The following VWC2 variants were observed in gnomAD, a reference collection of about 807,000 sequenced individuals.
The protein encoded by VWC2 is brorin.
VWC2 carries 14 observed loss-of-function variants against 29.8 expected under a neutral mutation model. That is an observed-to-expected ratio of 0.47 (90% CI 0.31 to 0.74). VWC2 has a LOEUF of 0.74. Among genes scored for constraint, VWC2 ranks in the 30% least tolerant of loss-of-function variants. The pLI, the probability that VWC2 is intolerant of heterozygous loss-of-function variation, is 0.05. For missense variants in VWC2, 457 were observed against 459.8 expected, an observed-to-expected ratio of 0.99 and a Z score of 0.05; for synonymous variants, 213 against 199.0, an observed-to-expected ratio of 1.07 and a Z score of -0.59.
downstream of VWC2, chr7:49,922,018 A>C (rs1470456146): frequency 1.3e-5 from 2 of 152,218 alleles, no homozygotes; most frequent in Non-Finnish European, 2.9e-5. Flanking sequence ...TTGAAAGTAG[A>C]TTAAGCAAGA....
chr7:49,860,849 G>T (rs1790621867), intron 3 of VWC2, among the ~76,000 whole-genome samples: 1 of 152,220 alleles, frequency 6.6e-6, no homozygotes, highest in Non-Finnish European at 1.5e-5. Flanking sequence ...AAAAGGCCAT[G>T]TGAGGCCACA....
Position 49,775,663 on chromosome 7 carries a change from G to A in VWC2, c.228G>A (p.Trp76Ter). The A allele has an allele frequency of 6.5e-7, 1 of 1,527,346 alleles. No individual in the cohort carries two copies. Among genetic ancestry groups the A allele is most frequent in the Non-Finnish European group, 8.8e-7 (1 of 1,140,278 alleles). The allele number at this position is 1,527,346 out of a possible 1,614,324, so 94.6% of individuals were successfully genotyped here. ...ARDEGGSGRDWKSKSGRGLAG... is the reference protein window; with the variant it reads ...ARDEGGSGRD ...ACGAGGGCGGCAGCGGCCGGGACTG[G>A]AAGAGCAAGAGCGGCCGTGGGCTCG... Residue 76 changes from tryptophan to a stop codon, truncating the protein, a stop_gained, in exon 2 of 4, where the codon TGG becomes TGA. Coordinates refer to ENST00000340652, the MANE Select transcript of VWC2 (RefSeq NM_198570.5). LOFTEE classifies it high-confidence loss of function.
chr7:49,908,729 T>C (rs1233899657), intron 3 of VWC2, among the ~76,000 whole-genome samples: 1 of 152,136 alleles, frequency 6.6e-6, no homozygotes, highest in East Asian at 1.9e-4. Context: ...CAGCTGAAGA[T>C]ATCTTCTTAG....
chr7:49,812,974 A>G (rs1789047247), intron 3 of VWC2, among the ~76,000 whole-genome samples: 2 of 152,222 alleles, frequency 1.3e-5, no homozygotes, highest in South Asian at 4.1e-4. Context: ...AAAAATAGGC[A>G]AAGAAACACA....
intron 3 of VWC2, among the ~76,000 whole-genome samples, chr7:49,898,371 T>C (rs1792508060): frequency 6.6e-6 from 1 of 152,116 alleles, no homozygotes; most frequent in South Asian, 2.1e-4. Context: ...TCTTTCTTTA[T>C]TTAGATATGG....
At position 49,818,335 on chromosome 7, in the gene VWC2, A is replaced by G. The variant is rs144127125; in HGVS notation, c.826+15495A>G. ...ACACTAATGCATAAATGTCTCAGAC[A>G]TCGTTACTCAGTGATCCATTTTGGG... On this transcript the variant is annotated intron_variant, in intron 3 of 3. Coordinates refer to ENST00000340652, the MANE Select transcript of VWC2 (RefSeq NM_198570.5). Among the ~76,000 whole-genome samples, 567 of 152,356 alleles carry G rather than the reference A, an allele frequency of 3.7e-3. 2 individuals are homozygous for G. Among genetic ancestry groups the G allele is most frequent in the African/African-American group, 0.013 (551 of 41,590 alleles).
At chr7:49,803,409 G>A (rs1788791560) in intron 3 of VWC2, among the ~76,000 whole-genome samples, 1 of 152,192 alleles carries the variant, frequency 6.6e-6, no homozygotes, top group Non-Finnish European at 1.5e-5. Flanking sequence ...TGTACCTGAG[G>A]TACTGAGGGC....
chr7:49,835,148 G>T (rs992610209), intron 3 of VWC2, among the ~76,000 whole-genome samples: 2 of 152,160 alleles, frequency 1.3e-5, no homozygotes, highest in African/African-American at 2.4e-5. Flanking sequence ...TCAGTGATTG[G>T]CTATTCATTG....
In VWC2 at chr7:49,912,257, G is replaced by T; in HGVS notation, c.*72G>T. ...GATGTGAACATTCTAGATGACTCTGGGAACTATCAGTCAAAGAAGACTTTT... is the reference window on the plus strand; with the variant it reads ...GATGTGAACATTCTAGATGACTCTGTGAACTATCAGTCAAAGAAGACTTTT... On this transcript the variant is annotated 3_prime_UTR_variant, in exon 4 of 4. Coordinates refer to ENST00000340652, the MANE Select transcript of VWC2 (RefSeq NM_198570.5). 6.8e-7 allele frequency: 1 copy of T among 1,478,454 alleles called. No homozygotes were observed. Among genetic ancestry groups the T allele is most frequent in the Admixed American group, 2.0e-5 (1 of 50,824 alleles). The allele number at this position is 1,478,454 out of a possible 1,614,324, so 91.6% of individuals were successfully genotyped here.
intron 2 of VWC2, among the ~76,000 whole-genome samples, chr7:49,777,882 C>T (rs1788085420): frequency 6.6e-6 from 1 of 152,084 alleles, no homozygotes; most frequent in Admixed American, 6.6e-5. Context: ...TAGAACAATT[C>T]TCTTAAGTTT....
chr7:49,807,428 C>T (rs1788904303), intron 3 of VWC2, among the ~76,000 whole-genome samples: 1 of 152,152 alleles, frequency 6.6e-6, no homozygotes, highest in African/African-American at 2.4e-5. Context: ...GGTTTGGTCC[C>T]AAAGAAAGAC....
In VWC2 at chr7:49,840,637, G is replaced by A. The variant is rs377447396; in HGVS notation, c.826+37797G>A. The stretch of plus-strand genomic sequence containing the variant: ...CTATTTTGTGAGCATAAGGAGTATT[G>A]GTTTGATTATTTTTTCTTCCCATAT... On this transcript the variant is annotated intron_variant, in intron 3 of 3. Coordinates refer to ENST00000340652, the MANE Select transcript of VWC2 (RefSeq NM_198570.5). Among the ~76,000 whole-genome samples, 11 of 152,202 alleles carry A rather than the reference G, an allele frequency of 7.2e-5. No homozygotes were observed. In the East Asian group the frequency reaches 2.1e-3, roughly 29 times the overall value.
intron 3 of VWC2, among the ~76,000 whole-genome samples, chr7:49,882,718 A>G (rs1791721743): frequency 6.6e-6 from 1 of 152,182 alleles, no homozygotes; most frequent in African/African-American, 2.4e-5. Context: ...ATCAATGTGT[A>G]ACCTTCCTAA....
intron 3 of VWC2, among the ~76,000 whole-genome samples, chr7:49,903,033 A>G (rs1792859885): frequency 6.6e-6 from 1 of 152,226 alleles, no homozygotes; most frequent in Admixed American, 6.5e-5. Context: ...ATCACCCGCC[A>G]CTAGGGAAAT....
At position 49,775,679 on chromosome 7, in the gene VWC2, C is replaced by A; in HGVS notation, c.244C>A (p.Arg82Ser). The change falls in exon 2 of 4, where the codon CGT becomes AGT. Residue 82 changes from arginine to serine, a missense_variant. Physicochemically the swap from Arg to Ser is moderately radical, Grantham distance 110. Coordinates refer to ENST00000340652, the MANE Select transcript of VWC2 (RefSeq NM_198570.5). ...SGRDWKSKSG[R>S]GLAGREPWSK... ...CCGGGACTGGAAGAGCAAGAGCGGCCGTGGGCTCGCCGGCCGTGAGCCGTG... is the reference window on the plus strand; with the variant it reads ...CCGGGACTGGAAGAGCAAGAGCGGCAGTGGGCTCGCCGGCCGTGAGCCGTG... The A allele has an allele frequency of 6.6e-7, 1 of 1,524,582 alleles. No individual in the cohort carries two copies. The highest frequency in any genetic ancestry group is 8.8e-7 in the Non-Finnish European group (1 of 1,139,258). The allele number at this position is 1,524,582 out of a possible 1,614,324, so 94.4% of individuals were successfully genotyped here.
intron 3 of VWC2, among the ~76,000 whole-genome samples, chr7:49,897,749 C>T (rs969888243): frequency 3.3e-5 from 5 of 152,170 alleles, no homozygotes; most frequent in Non-Finnish European, 5.9e-5. Context: ...TTGAGGAAAA[C>T]CTAACCGGTA....
At chr7:49,805,434 A>G (rs756440478) in intron 3 of VWC2, among the ~76,000 whole-genome samples, 2 of 152,244 alleles carry the variant, frequency 1.3e-5, no homozygotes, top group African/African-American at 2.4e-5. Flanking sequence ...AACTGGAAAT[A>G]AATTTAAATG....
chr7:49,901,613 A>G (rs1372507096), intron 3 of VWC2, among the ~76,000 whole-genome samples: 1 of 151,946 alleles, frequency 6.6e-6, no homozygotes, highest in Non-Finnish European at 1.5e-5. Flanking sequence ...AACATTATCA[A>G]GATCTATTGT....
intron 3 of VWC2, among the ~76,000 whole-genome samples, chr7:49,809,483 A>G (rs1788950568): frequency 6.6e-6 from 1 of 152,078 alleles, no homozygotes; most frequent in Non-Finnish European, 1.5e-5. Context: ...CACCCAGGAA[A>G]TAGAAGCAAA....
Sources: allele counts gnomAD v4.1 joint callset (sites outside exome capture counted in the v4.1 genomes callset), GRCh38; gene constraint gnomAD v4.1.1; transcripts MANE v1.5; gene names NCBI Gene and HGNC (gene_info 2026-07-23, HGNC 2026-07-21).